FAM153A: variants seen among roughly 807,000 people sequenced by gnomAD.
FAM153A encodes protein FAM153A.
FAM153A carries 12 observed loss-of-function variants against 48.1 expected under a neutral mutation model. The ratio of observed to expected loss-of-function variants is 0.25; its 90% CI spans 0.16 to 0.40. FAM153A has a LOEUF of 0.40. FAM153A is among the 10% of genes least tolerant of loss of function. The pLI is 1.00. For synonymous variants in FAM153A, 36 were observed against 118.2 expected (o/e 0.30, Z 4.51); for missense variants, 111 against 345.8 (o/e 0.32, Z 5.38).
rs906526104 is a variant in FAM153A, at chr5:177,739,441, G to A, written c.537+159C>T. ...GAATGCCATCTTCAATCAGTTCTTAGTTAGTAATGAATTCTCATTTTACAT... is the reference window on the plus strand; with the variant it reads ...GAATGCCATCTTCAATCAGTTCTTAATTAGTAATGAATTCTCATTTTACAT... On this transcript the variant is annotated intron_variant, in intron 9 of 20. Coordinates refer to ENST00000614127, the Ensembl canonical transcript of FAM153A. The A allele has an allele frequency of 6.0e-5, 31 of 520,074 alleles. 4 individuals are homozygous for A. The African/African-American group carries it at 6.1e-4, about 10-fold the overall frequency. The allele number at this position is 520,074 out of a possible 1,614,324, so 32.2% of individuals were successfully genotyped here.
At chr5:177,716,540 T>C (rs1405403833) in intron 24 of FAM153A, 1 of 151,848 alleles carries the variant, frequency 6.6e-6, no homozygotes, top group Non-Finnish European at 1.5e-5. Flanking sequence ...AGCATGCCTA[T>C]CAGCGAGAAG....
intron 1 of FAM153A, among the ~76,000 whole-genome samples, chr5:177,760,235 C>CGTTTT (rs1768192153): frequency 1.0e-5 from 1 of 96,216 alleles, no homozygotes; most frequent in African/African-American, 4.2e-5. Context: ...TGGGAAAGAC[C>CGTTTT]TTTTTTTTTT....
At chr5:177,768,343 C>T (rs1194207104) in intron 1 of FAM153A, among the ~76,000 whole-genome samples, 5 of 152,008 alleles carry the variant, frequency 3.3e-5, no homozygotes, top group Admixed American at 6.5e-5. Context: ...ATTATATTGG[C>T]ATCACTGATT....
intron 1 of FAM153A, among the ~76,000 whole-genome samples, chr5:177,763,839 C>T (rs1364369006): frequency 1.3e-4 from 19 of 150,416 alleles, no homozygotes; most frequent in African/African-American, 4.2e-4. Context: ...GTCTGGCCCA[C>T]TGAGGACAAG....
intron 18 of FAM153A, among the ~76,000 whole-genome samples, chr5:177,728,803 C>G (rs1666107402): frequency 6.7e-6 from 1 of 149,552 alleles, no homozygotes; most frequent in African/African-American, 2.5e-5. Flanking sequence ...CTGACCTCTG[C>G]TGATCCGCCC....
At chr5:177,737,225 G>T in intron 10 of FAM153A, 113 bp from the exon 13 acceptor site, 2 of 1,579,034 alleles carry the variant, frequency 1.3e-6, no homozygotes, top group Non-Finnish European at 1.7e-6. Flanking sequence ...TCACAGCACA[G>T]ACTCAGCTGC....
intron 25 of FAM153A, chr5:177,716,240 C>T (rs2127568413): frequency 6.6e-6 from 1 of 151,286 alleles, no homozygotes; most frequent in East Asian, 1.9e-4. Context: ...CCCCAGCCTC[C>T]CAAAGTGCTG....
chr5:177,781,259 C>A (rs1262781232), upstream of FAM153A, among the ~76,000 whole-genome samples: 41 of 112,232 alleles, frequency 3.7e-4, no homozygotes, highest in East Asian at 8.6e-3. Context: ...CCACCACGCC[C>A]GGCTATTTTT....
intron 1 of FAM153A, among the ~76,000 whole-genome samples, chr5:177,764,473 A>G (rs1163031065): frequency 3.8e-4 from 55 of 144,428 alleles, no homozygotes; most frequent in Non-Finnish European, 6.5e-4. Context: ...CCTGGGCCCA[A>G]TGAGGAAAGC....
At chr5:177,753,895 A>C (rs188787317), upstream of FAM153A, among the ~76,000 whole-genome samples, 1 of 151,958 alleles carries the variant, frequency 6.6e-6, no homozygotes, top group Non-Finnish European at 1.5e-5. Context: ...TCCAGTCTGC[A>C]GCTCCCAGCG....
upstream of FAM153A, among the ~76,000 whole-genome samples, chr5:177,757,830 AAAT>A (rs1767898781): frequency 6.6e-6 from 1 of 151,502 alleles, no homozygotes; most frequent in Non-Finnish European, 1.5e-5. Flanking sequence ...ACGTATCTCA[AAAT>A]AATAAGAGCT....
chr5:177,723,178 T>C (rs557778429), downstream of FAM153A: 5 of 136,684 alleles, frequency 3.7e-5, no homozygotes, highest in African/African-American at 1.3e-4. Flanking sequence ...TATTGCCTAA[T>C]AAGACCTGGT....
At chr5:177,700,365 G>T in the FAM153A span, among the ~76,000 whole-genome samples, 59 of 151,942 alleles carry the variant, frequency 3.9e-4, 1 homozygote, top group East Asian at 9.1e-3. Flanking sequence ...GTATTAAAAG[G>T]CATCCAGATA....
At chr5:177,728,484 A>C (rs1326908676) in intron 18 of FAM153A, among the ~76,000 whole-genome samples, 1 of 146,758 alleles carries the variant, frequency 6.8e-6, no homozygotes, top group Admixed American at 6.8e-5. Context: ...ACCCCACCTT[A>C]CATGACACTG....
At chr5:177,732,646 G>A (rs1452017188) in intron 14 of FAM153A, among the ~76,000 whole-genome samples, 1 of 94,682 alleles carries the variant, frequency 1.1e-5, no homozygotes, top group Non-Finnish European at 2.2e-5. Flanking sequence ...GAGTAGCTAG[G>A]ATTACAGGCA....
chr5:177,739,013 T>G, intron 10 of FAM153A, 100 bp downstream of exon 12: 1 of 936,622 alleles, frequency 1.1e-6, no homozygotes, highest in Non-Finnish European at 1.6e-6. Context: ...AATAGGAAGC[T>G]CCAATGAGAG....
upstream of FAM153A, among the ~76,000 whole-genome samples, chr5:177,753,774 C>T (rs1213752787): frequency 6.6e-6 from 1 of 151,394 alleles, no homozygotes; most frequent in African/African-American, 2.4e-5. Context: ...AACTTTCCAT[C>T]ACTGTTGATT....
chr5:177,710,171 A>G (rs1758285300), downstream of FAM153A, among the ~76,000 whole-genome samples: 1 of 150,234 alleles, frequency 6.7e-6, no homozygotes, highest in Non-Finnish European at 1.5e-5. Flanking sequence ...GGAGTGCAAT[A>G]GCATGATCTC....
At chr5:177,750,138 A>G (rs1052387288) in intron 2 of FAM153A, 2 of 151,498 alleles carry the variant, frequency 1.3e-5, no homozygotes, top group African/African-American at 4.9e-5. Context: ...TAAGTTAGTT[A>G]TACGTAGCTA....
Sources: allele counts gnomAD v4.1 joint callset (sites outside exome capture counted in the v4.1 genomes callset), GRCh38; gene constraint gnomAD v4.1.1; transcripts MANE v1.5; gene names NCBI Gene and HGNC (gene_info 2026-07-23, HGNC 2026-07-21).